RYR3: variants seen among roughly 807,000 people sequenced by gnomAD.
RYR3 encodes the protein ryanodine receptor 3, also known as brain ryanodine receptor-calcium release channel.
RYR3 carries 207 observed loss-of-function variants against 584.3 expected under a neutral mutation model. The ratio of observed to expected loss-of-function variants is 0.35; its 90% CI spans 0.32 to 0.40. The LOEUF is 0.40. Among genes scored for constraint, RYR3 ranks in the 10% least tolerant of loss-of-function variants. RYR3 has a pLI of 1.00. For synonymous variants in RYR3, 2,416 were observed against 2,248.5 expected (o/e 1.07, Z -2.11); for missense variants, 5,616 against 6,089.2 (o/e 0.92, Z 2.59).
chr15:33,363,981 A>T (rs1176112991), intron 1 of RYR3, among the ~76,000 whole-genome samples: 2 of 152,232 alleles, frequency 1.3e-5, no homozygotes, highest in Non-Finnish European at 2.9e-5. Flanking sequence ...TGTAAATTTT[A>T]TGAACTCTAA....
intron 1 of RYR3, among the ~76,000 whole-genome samples, chr15:33,380,772 G>A (rs1000854514): frequency 3.3e-5 from 5 of 152,172 alleles, no homozygotes; most frequent in African/African-American, 9.7e-5. Flanking sequence ...GCACACGTAC[G>A]TACACTTCAG....
intron 93 of RYR3, 53 bp from the exon 94 acceptor site, chr15:33,848,236 CAG>C: frequency 6.2e-7 from 1 of 1,604,506 alleles, no homozygotes. Context: ...TACCTGGGAG[CAG>C]GAGCTTTAAT....
intron 38 of RYR3, among the ~76,000 whole-genome samples, chr15:33,691,284 C>A (rs148373699): frequency 6.6e-6 from 1 of 152,142 alleles, no homozygotes; most frequent in Non-Finnish European, 1.5e-5. Context: ...ATTATTGGTT[C>A]GTTGAGTTAA....
intron 70 of RYR3, 92 bp from the exon 71 acceptor site, chr15:33,810,387 G>A: frequency 1.5e-6 from 2 of 1,319,928 alleles, no homozygotes; most frequent in African/African-American, 2.9e-5. Context: ...ATACTGACAG[G>A]GCCACAAGGA....
intron 45 of RYR3, among the ~76,000 whole-genome samples, chr15:33,724,502 G>GCCAT (rs1202047059): frequency 6.6e-6 from 1 of 152,080 alleles, no homozygotes. Context: ...CTGGATCATG[G>GCCAT]CCATCAGGAT....
In RYR3 at chr15:33,604,153, A is replaced by G. The variant is rs553456491; in HGVS notation, c.2164+789A>G. ...TGCAATTGGAGACGTCGCGTCCCTT[A>G]TAGAAATCCCTTACGTAAGCATTGT... On this transcript the variant is annotated intron_variant, in intron 18 of 103. Coordinates refer to ENST00000634891, the MANE Select transcript of RYR3 (RefSeq NM_001036.6). Among the ~76,000 whole-genome samples the G allele has an allele frequency of 2.6e-5, 4 of 152,362 alleles. No homozygotes were observed. The East Asian group carries it at 5.8e-4, about 22-fold the overall frequency.
chr15:33,703,439 C>T (rs1255957507), intron 42 of RYR3, among the ~76,000 whole-genome samples: 1 of 152,214 alleles, frequency 6.6e-6, no homozygotes, highest in Non-Finnish European at 1.5e-5. Context: ...TCTGAGGCTT[C>T]ACCTCCTGGC....
intron 2 of RYR3, among the ~76,000 whole-genome samples, chr15:33,483,815 TC>T (rs2050178963): frequency 6.6e-6 from 1 of 152,200 alleles, no homozygotes; most frequent in Non-Finnish European, 1.5e-5. Context: ...CTAACATTTC[TC>T]CTCTTCTATT....
At chr15:33,341,408 C>T (rs1971803313) in intron 1 of RYR3, among the ~76,000 whole-genome samples, 2 of 152,154 alleles carry the variant, frequency 1.3e-5, no homozygotes. Flanking sequence ...CTGGAAACAC[C>T]ACACTTTGAG....
intron 1 of RYR3, among the ~76,000 whole-genome samples, chr15:33,400,857 A>G (rs1247617120): frequency 6.6e-6 from 1 of 152,212 alleles, no homozygotes; most frequent in African/African-American, 2.4e-5. Flanking sequence ...TTTTATAAGT[A>G]TTGCAGTACC....
At chr15:33,646,788 A>T (rs1259891793) in intron 29 of RYR3, among the ~76,000 whole-genome samples, 1 of 152,216 alleles carries the variant, frequency 6.6e-6, no homozygotes, top group African/African-American at 2.4e-5. Flanking sequence ...TTGAACTCTG[A>T]GCCCCTACCT....
chr15:33,629,909 A>T, intron 21 of RYR3, 31 bp from the exon 22 acceptor site: 1 of 1,332,582 alleles, frequency 7.5e-7, no homozygotes, highest in Non-Finnish European at 1.1e-6. Flanking sequence ...GTCAAAACTT[A>T]AATCACATTC....
intron 1 of RYR3, among the ~76,000 whole-genome samples, chr15:33,345,714 T>C (rs1007731300): frequency 2.6e-5 from 4 of 152,152 alleles, no homozygotes; most frequent in Non-Finnish European, 1.5e-5. Flanking sequence ...CAGCACCTCA[T>C]TGCATCAGGC....
chr15:33,416,412 G>A (rs1050388503), intron 1 of RYR3, among the ~76,000 whole-genome samples: 1 of 152,032 alleles, frequency 6.6e-6, no homozygotes, highest in Admixed American at 6.6e-5. Context: ...GGTGTGAGAT[G>A]GTATCTCATT....
chr15:33,451,787 C>T (rs1022444372), intron 1 of RYR3, among the ~76,000 whole-genome samples: 5 of 152,210 alleles, frequency 3.3e-5, no homozygotes, highest in African/African-American at 1.2e-4. Flanking sequence ...TAGGATGCAT[C>T]TTCATGTATG....
chr15:33,319,496 C>A (rs917865944), intron 1 of RYR3, among the ~76,000 whole-genome samples: 8 of 152,170 alleles, frequency 5.3e-5, no homozygotes, highest in African/African-American at 1.9e-4. Context: ...GAGAACAGTT[C>A]AAGAATAAAC....
rs183068937 is a variant in RYR3, at chr15:33,437,652, C to G, written c.52-35767C>G. 2.6e-3 allele frequency among the ~76,000 whole-genome samples: 399 copies of G among 152,298 alleles called. 1 individual carries two copies. The highest frequency in any genetic ancestry group is 9.0e-3 in the African/African-American group (375 of 41,536). ...GAGTGAGCCAGCTTACAGTCTCTGC[C>G]ACAGTGGCCTGTTTCTGGACTCTGC... On this transcript the variant is annotated intron_variant, in intron 1 of 103. Transcript: ENST00000634891.
chr15:33,715,584 A>G (rs1224327708), intron 43 of RYR3, among the ~76,000 whole-genome samples: 1 of 152,198 alleles, frequency 6.6e-6, no homozygotes, highest in African/African-American at 2.4e-5. Context: ...TACTGCAGCA[A>G]CAAAATACCT....
At chr15:33,428,331 A>G (rs2044822058) in intron 1 of RYR3, among the ~76,000 whole-genome samples, 1 of 152,230 alleles carries the variant, frequency 6.6e-6, no homozygotes, top group African/African-American at 2.4e-5. Flanking sequence ...CTTGGGTTTA[A>G]AAAGCTCTGC....
Sources: gnomAD v4.1 joint callset for allele counts (sites outside exome capture counted in the v4.1 genomes callset) on GRCh38, gnomAD v4.1.1 for gene constraint, MANE v1.5 for transcripts, NCBI Gene and HGNC (gene_info 2026-07-23, HGNC 2026-07-21) for gene names.